Variants in PTPRN2 observed in about 807,000 individuals in gnomAD.
PTPRN2 encodes the protein protein tyrosine phosphatase receptor type N2, also known as receptor-type tyrosine-protein phosphatase N2.
A neutral mutation model predicts 118.8 loss-of-function variants in PTPRN2; 74 were observed. The ratio of observed to expected loss-of-function variants is 0.62; its 90% CI spans 0.52 to 0.76. PTPRN2 has a LOEUF of 0.76. PTPRN2 is among the 30% of genes least tolerant of loss of function. The pLI, the probability that PTPRN2 is intolerant of heterozygous loss-of-function variation, is 0.00. For synonymous variants in PTPRN2, 641 were observed against 608.0 expected (o/e 1.05, Z -0.80); for missense variants, 1,481 against 1,394.4 (o/e 1.06, Z -0.99).
intron 3 of PTPRN2, among the ~76,000 whole-genome samples, chr7:158,313,049 T>A (rs865999088): frequency 6.6e-6 from 1 of 151,844 alleles, no homozygotes; most frequent in Non-Finnish European, 1.5e-5. Context: ...CACGTGAATG[T>A]GTGTGCAGGT....
chr7:157,806,866 G>A (rs564673793), intron 12 of PTPRN2, among the ~76,000 whole-genome samples: 57 of 152,334 alleles, frequency 3.7e-4, no homozygotes, highest in African/African-American at 1.2e-3. Context: ...CCAGCTTCCC[G>A]CTCTCCTCTG....
intron 3 of PTPRN2, among the ~76,000 whole-genome samples, chr7:158,284,962 C>A (rs1451621673): frequency 3.3e-5 from 5 of 152,234 alleles, no homozygotes; most frequent in Admixed American, 6.5e-5. Context: ...ACGAGCCCGG[C>A]TGTGCCCATA....
chr7:157,906,060 C>G (rs1797754450), intron 11 of PTPRN2, among the ~76,000 whole-genome samples: 1 of 152,260 alleles, frequency 6.6e-6, no homozygotes, highest in Admixed American at 6.5e-5. Context: ...CCTCTGTGGA[C>G]TCTGCCCCTG....
intron 10 of PTPRN2, among the ~76,000 whole-genome samples, chr7:158,103,724 C>G (rs1214367784): frequency 6.6e-6 from 1 of 152,214 alleles, no homozygotes; most frequent in African/African-American, 2.4e-5. Context: ...CAGGCCCCCA[C>G]TTGATGTGAT....
rs561353105 is a variant in PTPRN2 at position 158,258,480 on chromosome 7, T to C, written c.278-53207A>G. Among the ~76,000 whole-genome samples, 31 of 152,356 alleles carry C rather than the reference T, an allele frequency of 2.0e-4. No homozygotes were observed. In the East Asian group the frequency reaches 3.5e-3, roughly 17 times the overall value. On this transcript the variant is annotated intron_variant, in intron 3 of 22. Transcript: ENST00000389418. ...CCTGTGAGTACGCACTCCATGTGCA[T>C]GTGCTTCTCCACGGAGGGAGCTGCC...
At chr7:158,177,305 T>C (rs1451711233) in intron 5 of PTPRN2, among the ~76,000 whole-genome samples, 1 of 152,214 alleles carries the variant, frequency 6.6e-6, no homozygotes, top group Non-Finnish European at 1.5e-5. Context: ...TTGTTCTTTA[T>C]GGTTTTGTGA....
chr7:158,274,357 CA>C (rs1246750266), intron 3 of PTPRN2, among the ~76,000 whole-genome samples: 4 of 55,620 alleles, frequency 7.2e-5, no homozygotes, highest in Non-Finnish European at 1.0e-4. Context: ...GCCACAGACA[CA>C]GGGGGAGCCG....
chr7:157,681,361 T>G (rs79162462), intron 13 of PTPRN2, among the ~76,000 whole-genome samples: 8,529 of 152,306 alleles, frequency 0.056, 392 homozygotes, highest in East Asian at 0.13. Context: ...CTTACTAGTT[T>G]ATGTGACATT....
Position 157,549,122 on chromosome 7 carries a change from T to C in PTPRN2, c.2903-103A>G, listed in dbSNP as rs376913019. ...CGTTCCCTCTGGGCTGAGAGGCCAATTGAAAATTATTACGCTCATCCCTCA... is the reference window on the plus strand; with the variant it reads ...CGTTCCCTCTGGGCTGAGAGGCCAACTGAAAATTATTACGCTCATCCCTCA... On this transcript the variant is annotated intron_variant, in intron 21 of 22. Transcript: ENST00000389418. The C allele has an allele frequency of 7.1e-5, 80 of 1,124,126 alleles. No individual in the cohort carries two copies. The African/African-American group carries it at 9.2e-4, about 13-fold the overall frequency. The allele number at this position is 1,124,126 out of a possible 1,614,324, so 69.6% of individuals were successfully genotyped here. A position where few individuals can be genotyped will look rare whatever the true frequency, so the allele number is the denominator to read the frequency against.
chr7:158,168,360 G>A (rs73516537), intron 5 of PTPRN2, among the ~76,000 whole-genome samples: 35 of 152,324 alleles, frequency 2.3e-4, no homozygotes, highest in East Asian at 1.7e-3. Context: ...CATGAGGCTC[G>A]GCGGTGCCTC....
chr7:158,171,014 TACATATATATAC>T (rs1230598995), intron 5 of PTPRN2, among the ~76,000 whole-genome samples: 24 of 146,746 alleles, frequency 1.6e-4, no homozygotes, highest in South Asian at 4.3e-4. Flanking sequence ...TATATACACA[TACATATATATAC>T]ACATATATAT....
chr7:157,855,462 G>A (rs1231185045), intron 12 of PTPRN2, among the ~76,000 whole-genome samples: 3 of 152,224 alleles, frequency 2.0e-5, no homozygotes, highest in South Asian at 2.1e-4. Flanking sequence ...ACGCTGAGTG[G>A]TGCCGCTTCT....
intron 12 of PTPRN2, among the ~76,000 whole-genome samples, chr7:157,712,810 C>T (rs1036859866): frequency 1.3e-5 from 2 of 148,684 alleles, no homozygotes; most frequent in East Asian, 2.0e-4. Context: ...GCACAGGGAG[C>T]GGGTCACACA....
In PTPRN2 at chr7:158,443,257, C is replaced by A. The variant is rs142371397; in HGVS notation, c.163+46478G>T. 3.3e-5 allele frequency among the ~76,000 whole-genome samples: 5 copies of A among 152,284 alleles called. No homozygotes were observed. The East Asian group carries it at 5.8e-4, about 18-fold the overall frequency. On this transcript the variant is annotated intron_variant, in intron 2 of 22. Transcript: ENST00000389418. Reference sequence around the variant, plus strand: ...CCGTGGCTCAGCCCAGCGGCTCCCGCGGCTCCAGGGCAGCGCCAGGCATGG... The same window carrying A: ...CCGTGGCTCAGCCCAGCGGCTCCCGAGGCTCCAGGGCAGCGCCAGGCATGG...
At chr7:158,549,139 T>C (rs1484401736) in intron 1 of PTPRN2, among the ~76,000 whole-genome samples, 1 of 152,120 alleles carries the variant, frequency 6.6e-6, no homozygotes, top group Non-Finnish European at 1.5e-5. Flanking sequence ...GGGGCTGGAA[T>C]GTTGGGAGAG....
At chr7:157,625,577 GGGA>G (rs1803516474) in intron 14 of PTPRN2, among the ~76,000 whole-genome samples, 1 of 152,150 alleles carries the variant, frequency 6.6e-6, no homozygotes, top group Non-Finnish European at 1.5e-5. Context: ...GGGACTTGAG[GGGA>G]GGAGAAGGAG....
At chr7:157,798,677 C>T (rs1000352434) in intron 12 of PTPRN2, among the ~76,000 whole-genome samples, 1 of 152,222 alleles carries the variant, frequency 6.6e-6, no homozygotes. Flanking sequence ...GATATTTACA[C>T]CCTATAATTA....
rs780107509 is a variant in PTPRN2, at chr7:157,802,538, C to T, written c.1788+96135G>A. 4.0e-4 allele frequency among the ~76,000 whole-genome samples: 61 copies of T among 152,208 alleles called. 1 individual carries two copies. The highest frequency in any genetic ancestry group is 2.7e-3 in the Admixed American group (42 of 15,284). ...CTGTGAACAATGCCGTGATGAACTCCGGAGCGCACCCGTCACTTCGAGGTC... is the reference window on the plus strand; with the variant it reads ...CTGTGAACAATGCCGTGATGAACTCTGGAGCGCACCCGTCACTTCGAGGTC... On this transcript the variant is annotated intron_variant, in intron 12 of 22. Transcript: ENST00000389418.
At chr7:158,395,634 C>G (rs185796593) in intron 2 of PTPRN2, among the ~76,000 whole-genome samples, 35 of 9,604 alleles carry the variant, frequency 3.6e-3, no homozygotes, top group East Asian at 0.019. Flanking sequence ...GGCGAGGGGC[C>G]AGGGGCGAGG....
Sources: allele counts gnomAD v4.1 joint callset (sites outside exome capture counted in the v4.1 genomes callset), GRCh38; gene constraint gnomAD v4.1.1; transcripts MANE v1.5; gene names NCBI Gene and HGNC (gene_info 2026-07-23, HGNC 2026-07-21).